Variants in ZNF30 observed in about 807,000 individuals in gnomAD.
ZNF30 encodes the protein zinc finger protein 30 (KOX 28).
In ZNF30, 15 loss-of-function variants were observed where a neutral mutation model predicts 13.2. The ratio of observed to expected loss-of-function variants is 1.13; its 90% confidence interval spans 0.76 to 1.75. The LOEUF is 1.75. Ranked by LOEUF, ZNF30 falls within the 40% of genes most tolerant of loss-of-function variation. The probability of loss-of-function intolerance (pLI) is 0.00; values close to 1 mark genes in which losing one functional copy is unlikely to be tolerated. For synonymous variants in ZNF30, 223 were observed against 256.6 expected (o/e 0.87, Z 1.25); for missense variants, 726 against 757.0 (o/e 0.96, Z 0.48).
At chr19:34,925,067 C>T (rs906923740), upstream of ZNF30, among the ~76,000 whole-genome samples, 1 of 152,270 alleles carries the variant, frequency 6.6e-6, no homozygotes, top group East Asian at 1.9e-4. Context: ...TGGCTCGCTT[C>T]TTCAGTGTCC....
At chr19:34,927,312 C>T (rs181193359) in intron 1 of ZNF30, 96 bp downstream of exon 1, 1 of 322,308 alleles carries the variant, frequency 3.1e-6, no homozygotes, top group African/African-American at 2.1e-5. Flanking sequence ...TGTGCATCCG[C>T]GAAGACTGGG....
In ZNF30 at chr19:34,944,468, A is replaced by C. The variant is rs2013229787; in HGVS notation, c.1502A>C (p.Gln501Pro). ...KTFSRASYLV[Q>P]HSRIHTGKKP... ...TTTAGTCGAGCCTCGTACCTTGTAC[A>C]ACATAGCAGAATCCATACTGGTAAG... The change falls in exon 5 of 5, where the codon CAA becomes CCA. Residue 501 changes from glutamine (Q) to proline (P), a missense_variant. Gln to Pro is a moderately conservative substitution (Grantham distance 76). Coordinates refer to ENST00000601142, the MANE Select transcript of ZNF30 (RefSeq NM_194325.3). The C allele has an allele frequency of 6.2e-7, 1 of 1,613,392 alleles. No homozygotes were observed. Among genetic ancestry groups the C allele is most frequent in the Non-Finnish European group, 8.5e-7 (1 of 1,179,858 alleles).
upstream of ZNF30, among the ~76,000 whole-genome samples, chr19:34,926,233 G>A (rs970273539): frequency 6.6e-6 from 1 of 152,112 alleles, no homozygotes; most frequent in Admixed American, 6.5e-5. Context: ...TGAATTTCAC[G>A]TTTGCCTGTA....
At position 34,927,117 on chromosome 19, in the gene ZNF30, G is replaced by A. The variant is rs904391943; in HGVS notation, c.-164G>A. The stretch of plus-strand genomic sequence containing the variant: ...GGAGAAGTCAGCGCCCAGCTCCGAG[G>A]TTGGAGCAGCCCCGCCGGGCAACTT... On this transcript the variant is annotated 5_prime_UTR_variant, in exon 1 of 5. Coordinates refer to ENST00000601142, the MANE Select transcript of ZNF30 (RefSeq NM_194325.3). 7 of 397,664 alleles carry A rather than the reference G, an allele frequency of 1.8e-5. No individual in the cohort carries two copies. In the Admixed American group the frequency reaches 1.8e-4, roughly 10 times the overall value. The allele number at this position is 397,664 out of a possible 1,614,324, so 24.6% of individuals were successfully genotyped here. A position where few individuals can be genotyped will look rare whatever the true frequency, so the allele number is the denominator to read the frequency against.
chr19:34,925,610 G>T (rs975961322), upstream of ZNF30, among the ~76,000 whole-genome samples: 1 of 152,156 alleles, frequency 6.6e-6, no homozygotes, highest in African/African-American at 2.4e-5. Flanking sequence ...AACAGGATGG[G>T]GGCGTGGCAG....
chr19:34,931,911 G>A lies in ZNF30; in HGVS notation c.78G>A (p.Gln26=), dbSNP rs888042775. The A allele has an allele frequency of 1.9e-5, 30 of 1,613,368 alleles. No individual in the cohort carries two copies. Among genetic ancestry groups the A allele is most frequent in the Non-Finnish European group, 2.5e-5 (30 of 1,179,574 alleles). ...FEDVAIAFSQ[Q]EWESLDSSQR... ...ATGTGGCCATAGCCTTCTCCCAGCA[G>A]GAGTGGGAGAGTCTGGACTCTTCCC... Residue 26 remains glutamine, a synonymous_variant, in exon 3 of 5, where the codon CAG becomes CAA. Coordinates refer to ENST00000601142, the MANE Select transcript of ZNF30 (RefSeq NM_194325.3).
At chr19:34,925,063 G>C (rs1600210595), upstream of ZNF30, among the ~76,000 whole-genome samples, 1 of 152,184 alleles carries the variant, frequency 6.6e-6, no homozygotes, top group Admixed American at 6.5e-5. Context: ...GGTGTGGCTC[G>C]CTTCTTCAGT....
intron 4 of ZNF30, among the ~76,000 whole-genome samples, chr19:34,934,785 G>A (rs889752976): frequency 4.6e-5 from 7 of 152,100 alleles, no homozygotes; most frequent in Non-Finnish European, 8.8e-5. Flanking sequence ...CAACAAGAGG[G>A]CGAGCATTAG....
chr19:34,933,662 A>G lies in ZNF30; in HGVS notation c.195A>G (p.Leu65=). Residue 65 remains leucine, a synonymous_variant, in exon 4 of 5, where the codon TTA becomes TTG. Transcript: ENST00000601142. ...HSRSKPHVIA[L]LEQWKEPEVT... is the part of the protein sequence containing the mutation. ...GTTCTAAACCACATGTGATCGCCTTATTGGAACAATGGAAAGAGCCTGAAG... is the reference window on the plus strand; with the variant it reads ...GTTCTAAACCACATGTGATCGCCTTGTTGGAACAATGGAAAGAGCCTGAAG... 1 of 1,601,986 alleles carries G rather than the reference A, an allele frequency of 6.2e-7. No individual in the cohort carries two copies. Among genetic ancestry groups the G allele is most frequent in the African/African-American group, 1.3e-5 (1 of 74,874 alleles).
intron 4 of ZNF30, among the ~76,000 whole-genome samples, chr19:34,937,985 G>A (rs1000622009): frequency 1.3e-5 from 2 of 152,036 alleles, no homozygotes; most frequent in African/African-American, 4.8e-5. Context: ...TAGTAGAGGT[G>A]GGGTTTCATC....
intron 3 of ZNF30, among the ~76,000 whole-genome samples, chr19:34,933,378 G>T (rs1454495094): frequency 6.6e-6 from 1 of 151,974 alleles, no homozygotes; most frequent in African/African-American, 2.4e-5. Flanking sequence ...GCTTGAACCC[G>T]GGAAGCGGAG....
chr19:34,925,696 C>T (rs781343296), upstream of ZNF30, among the ~76,000 whole-genome samples: 1 of 152,158 alleles, frequency 6.6e-6, no homozygotes, highest in Non-Finnish European at 1.5e-5. Context: ...TCAGTTGGCA[C>T]AGGGCCAGGG....
intron 4 of ZNF30, chr19:34,942,724 A>G (rs2013109246): frequency 1.2e-6 from 1 of 860,340 alleles, no homozygotes; most frequent in Admixed American, 2.3e-5. Flanking sequence ...AAATTAGGTC[A>G]GTATGGGACA....
intron 4 of ZNF30, among the ~76,000 whole-genome samples, chr19:34,935,292 G>A (rs1308779768): frequency 1.3e-5 from 2 of 152,040 alleles, no homozygotes; most frequent in African/African-American, 4.8e-5. Context: ...CAAAAAAGTT[G>A]GAAAGTTGTA....
intron 4 of ZNF30, among the ~76,000 whole-genome samples, chr19:34,941,360 G>T (rs1457482350): frequency 1.3e-5 from 2 of 152,200 alleles, no homozygotes; most frequent in African/African-American, 4.8e-5. Flanking sequence ...TGCCTCCCAG[G>T]TTCAAGTGAT....
chr19:34,934,380 CA>C (rs2012614406), intron 4 of ZNF30, among the ~76,000 whole-genome samples: 1 of 152,088 alleles, frequency 6.6e-6, no homozygotes, highest in Non-Finnish European at 1.5e-5. Flanking sequence ...TTTCCTGCCT[CA>C]GCCTCCTGAG....
intron 4 of ZNF30, among the ~76,000 whole-genome samples, chr19:34,939,533 C>A (rs1367290489): frequency 1.3e-5 from 2 of 152,064 alleles, no homozygotes; most frequent in African/African-American, 4.8e-5. Flanking sequence ...AGGCTGGTCT[C>A]AAATTCCTGA....
Position 34,931,984 on chromosome 19 carries a change from G to C in ZNF30, c.151G>C (p.Val51Leu). ...DVMLENYRNL[V>L]SMGHSRSKPH... ...GATGTTGGAGAACTACAGGAACTTG[G>C]TGTCAATGGGTAAGTGTACTTCTCT... Residue 51 changes from valine (V) to leucine (L), a missense_variant, in exon 3 of 5, where the codon GTG (valine) becomes CTG (leucine). Coordinates refer to ENST00000601142, the MANE Select transcript of ZNF30 (RefSeq NM_194325.3). 1 of 1,596,672 alleles carries C rather than the reference G, an allele frequency of 6.3e-7. No homozygotes were observed. The highest frequency in any genetic ancestry group is 8.5e-7 in the Non-Finnish European group (1 of 1,174,110).
intron 4 of ZNF30, among the ~76,000 whole-genome samples, chr19:34,934,183 G>A (rs1969532816): frequency 6.6e-6 from 1 of 152,078 alleles, no homozygotes; most frequent in African/African-American, 2.4e-5. Context: ...TGCTTCAGGA[G>A]CAGTAAGTAG....
Sources: allele counts gnomAD v4.1 joint callset (sites outside exome capture counted in the v4.1 genomes callset), GRCh38; gene constraint gnomAD v4.1.1; transcripts MANE v1.5; gene names NCBI Gene and HGNC (gene_info 2026-07-23, HGNC 2026-07-21).